Variants in RPS6KA5 observed in about 807,000 individuals in gnomAD.
RPS6KA5 encodes ribosomal protein S6 kinase alpha-5.
In RPS6KA5, 27 loss-of-function variants were observed where a neutral mutation model predicts 85.5. That is an observed-to-expected ratio of 0.32 (90% CI 0.23 to 0.44). The LOEUF is 0.44. RPS6KA5 is among the 20% of genes least tolerant of loss of function. The pLI is 1.00. For missense variants in RPS6KA5, 811 were observed against 980.9 expected, an observed-to-expected ratio of 0.83 and a Z score of 2.31; for synonymous variants, 334 against 348.2, an observed-to-expected ratio of 0.96 and a Z score of 0.46.
intron 15 of RPS6KA5, 57 bp downstream of exon 15, chr14:90,875,144 G>T: frequency 6.7e-7 from 1 of 1,496,480 alleles, no homozygotes; most frequent in Non-Finnish European, 9.1e-7. Context: ...TAATGGCCAT[G>T]ATTCTACTTC....
intron 14 of RPS6KA5, among the ~76,000 whole-genome samples, chr14:90,879,745 G>T (rs1275067412): frequency 3.9e-5 from 6 of 151,918 alleles, no homozygotes; most frequent in Non-Finnish European, 8.8e-5. Flanking sequence ...CGCTTTCCGG[G>T]GAACACAGAA....
At chr14:91,019,164 G>C (rs2041632734) in intron 1 of RPS6KA5, among the ~76,000 whole-genome samples, 2 of 152,072 alleles carry the variant, frequency 1.3e-5, no homozygotes, top group African/African-American at 4.8e-5. Flanking sequence ...GCTGAAAAGG[G>C]GTAGACTTGT....
At chr14:90,978,579 T>A (rs1357000929) in intron 2 of RPS6KA5, 55 bp from the exon 3 acceptor site, 1 of 1,329,202 alleles carries the variant, frequency 7.5e-7, no homozygotes, top group Non-Finnish European at 1.0e-6. Context: ...GGCAAAATGG[T>A]AATTTAGTGC....
chr14:91,007,802 T>A (rs1034231930), intron 1 of RPS6KA5, among the ~76,000 whole-genome samples: 1 of 152,170 alleles, frequency 6.6e-6, no homozygotes, highest in Non-Finnish European at 1.5e-5. Context: ...AGGAAAATTG[T>A]CTTTTCCTTC....
intron 12 of RPS6KA5, 60 bp downstream of exon 12, chr14:90,899,269 A>G: frequency 8.4e-7 from 1 of 1,193,764 alleles, no homozygotes; most frequent in Non-Finnish European, 1.2e-6. Context: ...ACGCGTGAAA[A>G]GTACAACCCT....
intron 12 of RPS6KA5, among the ~76,000 whole-genome samples, chr14:90,898,838 C>T (rs182862524): frequency 5.3e-5 from 8 of 152,346 alleles, no homozygotes; most frequent in Non-Finnish European, 1.2e-4. Context: ...CAGAATTTAC[C>T]ACCTGGAGCT....
At chr14:90,970,101 T>C (rs2039251536) in intron 3 of RPS6KA5, among the ~76,000 whole-genome samples, 1 of 152,190 alleles carries the variant, frequency 6.6e-6, no homozygotes, top group Non-Finnish European at 1.5e-5. Context: ...CTTTTTAATG[T>C]CATGCCAAAA....
chr14:90,964,973 G>A (rs907826336), intron 3 of RPS6KA5, among the ~76,000 whole-genome samples: 2 of 150,044 alleles, frequency 1.3e-5, no homozygotes, highest in Non-Finnish European at 3.0e-5. Flanking sequence ...AAACAAACTT[G>A]GATTGGCAAG....
At chr14:90,983,591 ACT>A (rs1274241244) in intron 2 of RPS6KA5, among the ~76,000 whole-genome samples, 1 of 151,636 alleles carries the variant, frequency 6.6e-6, no homozygotes, top group African/African-American at 2.4e-5. Context: ...ACAGGGCAAA[ACT>A]CTGTCTCAGG....
At chr14:90,925,957 A>G (rs1405455137) in intron 5 of RPS6KA5, among the ~76,000 whole-genome samples, 5 of 151,156 alleles carry the variant, frequency 3.3e-5, no homozygotes, top group African/African-American at 1.2e-4. Flanking sequence ...AAAAAAAAAA[A>G]AAAAAGAAAA....
chr14:90,913,136 C>G (rs1181420821), intron 7 of RPS6KA5, among the ~76,000 whole-genome samples: 1 of 151,910 alleles, frequency 6.6e-6, no homozygotes, highest in Non-Finnish European at 1.5e-5. Context: ...GTCTCGAACT[C>G]CTGACCTCAA....
chr14:90,864,093 A>T lies in RPS6KA5; in HGVS notation c.*7981T>A, dbSNP rs1253439856. On this transcript the variant is annotated 3_prime_UTR_variant, in exon 17 of 17. Transcript: ENST00000614987. ...CTATTTCACATCATATACAAATATCAGCAGTAGATGGACTGTAAACCTAAT... is the reference window on the plus strand; with the variant it reads ...CTATTTCACATCATATACAAATATCTGCAGTAGATGGACTGTAAACCTAAT... The T allele has an allele frequency of 2.6e-5, 4 of 152,228 alleles. No individual in the cohort carries two copies. The highest frequency in any genetic ancestry group is 9.7e-5 in the African/African-American group (4 of 41,450). The allele number at this position is 152,228 out of a possible 1,614,324, so 9.4% of individuals were successfully genotyped here.
At chr14:90,916,249 C>A (rs890312333) in intron 7 of RPS6KA5, among the ~76,000 whole-genome samples, 52 of 152,128 alleles carry the variant, frequency 3.4e-4, no homozygotes, top group Admixed American at 8.5e-4. Flanking sequence ...TCCATGATGG[C>A]ACAACTATCA....
intron 1 of RPS6KA5, among the ~76,000 whole-genome samples, chr14:91,044,291 G>GAA (rs2042726337): frequency 8.1e-6 from 1 of 123,940 alleles, no homozygotes; most frequent in African/African-American, 3.6e-5. Context: ...GAGAGAGAGA[G>GAA]AGAAAGAGAG....
chr14:90,923,174 C>T lies in RPS6KA5; in HGVS notation c.641G>A (p.Cys214Tyr). The T allele has an allele frequency of 6.2e-7, 1 of 1,612,762 alleles. No individual in the cohort carries two copies. Among genetic ancestry groups the T allele is most frequent in the Non-Finnish European group, 8.5e-7 (1 of 1,179,184 alleles). ...ADETERAYSF[C>Y]GTIEYMAPDI... The stretch of plus-strand genomic sequence containing the variant: ...TGGTGCCATGTATTCAATAGTTCCA[C>T]AAAAGGAATATGCTCTTTCAGTCTT... The change falls in exon 6 of 17, where the codon TGT becomes TAT. Residue 214 changes from cysteine (C) to tyrosine (Y), a missense_variant. Cys to Tyr is a radical substitution (Grantham distance 194). Coordinates refer to ENST00000614987, the MANE Select transcript of RPS6KA5 (RefSeq NM_004755.4).
chr14:91,015,566 T>C (rs991185177), intron 1 of RPS6KA5, among the ~76,000 whole-genome samples: 1 of 152,226 alleles, frequency 6.6e-6, no homozygotes, highest in Non-Finnish European at 1.5e-5. Flanking sequence ...TTGTTCCTCC[T>C]AAGTCATAAC....
At position 90,870,928 on chromosome 14, in the gene RPS6KA5, A is replaced by G. The variant is rs1246814147; in HGVS notation, c.*1146T>C. 1 of 149,190 alleles carries G rather than the reference A, an allele frequency of 6.7e-6. No individual in the cohort carries two copies. The highest frequency in any genetic ancestry group is 2.0e-4 in the East Asian group (1 of 5,018). 9.2% of individuals were successfully genotyped at this position (149,190 alleles called of 1,614,324 possible). A position where few individuals can be genotyped will look rare whatever the true frequency, so the allele number is the denominator to read the frequency against. ...TTTCTGTATGAATTCAGAACTTTTG[A>G]GCAATAAAAGTGCTCTGCATAAGTT... On this transcript the variant is annotated 3_prime_UTR_variant, in exon 17 of 17. Transcript: ENST00000614987.
intron 1 of RPS6KA5, among the ~76,000 whole-genome samples, chr14:91,036,771 T>A (rs1429057479): frequency 6.6e-6 from 1 of 152,204 alleles, no homozygotes; most frequent in Non-Finnish European, 1.5e-5. Flanking sequence ...GGAAAAGAAT[T>A]TCTCTACTGG....
At chr14:90,920,365 G>C in intron 6 of RPS6KA5, 56 bp from the exon 7 acceptor site, 3 of 1,217,466 alleles carry the variant, frequency 2.5e-6, no homozygotes, top group Non-Finnish European at 3.5e-6. Flanking sequence ...TATTTTATAA[G>C]AAAGAAAAAA....
Sources: gnomAD v4.1 joint callset for allele counts (sites outside exome capture counted in the v4.1 genomes callset) on GRCh38, gnomAD v4.1.1 for gene constraint, MANE v1.5 for transcripts, NCBI Gene and HGNC (gene_info 2026-07-23, HGNC 2026-07-21) for gene names.